MECOM: variants seen among roughly 807,000 people sequenced by gnomAD.
The protein encoded by MECOM is histone-lysine N-methyltransferase MECOM.
In MECOM, 13 loss-of-function variants were observed where a neutral mutation model predicts 116.3. The ratio of observed to expected loss-of-function variants is 0.11; its 90% CI spans 0.07 to 0.18. MECOM has a LOEUF of 0.18. Ranked by LOEUF, MECOM falls within the 10% of genes least tolerant of loss-of-function variation. The pLI is 1.00. For missense variants in MECOM, 1,299 were observed against 1,509.0 expected (o/e 0.86, Z 2.31); for synonymous variants, 528 against 535.2 (o/e 0.99, Z 0.19).
chr3:169,518,149 CTTG>C (rs1263707244), intron 1 of MECOM, among the ~76,000 whole-genome samples: 6 of 152,090 alleles, frequency 3.9e-5, no homozygotes, highest in Non-Finnish European at 8.8e-5. Context: ...GTTCCAGCTA[CTTG>C]GGAGGCTGAG....
At chr3:169,298,037 G>A (rs890745795) in intron 2 of MECOM, among the ~76,000 whole-genome samples, 1 of 152,048 alleles carries the variant, frequency 6.6e-6, no homozygotes, top group Non-Finnish European at 1.5e-5. Context: ...CATCATCCAC[G>A]GCAATATTAT....
At chr3:169,500,582 CA>C (rs199525523) in intron 1 of MECOM, among the ~76,000 whole-genome samples, 1 of 151,518 alleles carries the variant, frequency 6.6e-6, no homozygotes, top group Non-Finnish European at 1.5e-5. Context: ...ATAGTTTATA[CA>C]AAAAAACACA....
chr3:169,149,581 T>C (rs373483024), intron 2 of MECOM: 16 of 401,856 alleles, frequency 4.0e-5, no homozygotes, highest in African/African-American at 3.3e-4. Context: ...GCAACACAGC[T>C]CTGCCTTCCG....
chr3:169,583,784 T>TTG (rs1256873818), intron 1 of MECOM, among the ~76,000 whole-genome samples: 2 of 151,852 alleles, frequency 1.3e-5, no homozygotes, highest in African/African-American at 4.8e-5. Flanking sequence ...TTTTTTTTTT[T>TTG]TTAAGAAACG....
At chr3:169,616,948 G>T (rs905828900) in intron 1 of MECOM, among the ~76,000 whole-genome samples, 1 of 152,222 alleles carries the variant, frequency 6.6e-6, no homozygotes, top group African/African-American at 2.4e-5. Flanking sequence ...ATTAAAATGA[G>T]TATAGAATAG....
In MECOM at chr3:169,566,162, T is replaced by C. The variant is rs144633284; in HGVS notation, c.37+97174A>G. 7.0e-4 allele frequency: 163 copies of C among 233,456 alleles called. 1 individual carries two copies. Among genetic ancestry groups the C allele is most frequent in the African/African-American group, 3.8e-3 (162 of 42,406 alleles). The allele number at this position is 233,456 out of a possible 1,614,324, so 14.5% of individuals were successfully genotyped here. On this transcript the variant is annotated intron_variant, in intron 1 of 16. Transcript: ENST00000651503. ...AACAGCATGGAGGAAACCACCCCCA[T>C]GAGCCAACCACCTCCCACCAGGCTC...
chr3:169,097,823 A>T (rs796796814), intron 12 of MECOM, among the ~76,000 whole-genome samples: 31,465 of 122,048 alleles, frequency 0.26, 4,636 homozygotes, highest in Middle Eastern at 0.28. Flanking sequence ...TATATAAAAA[A>T]AAAAAAAAAA....
At chr3:169,413,490 ATTT>A in intron 1 of MECOM, among the ~76,000 whole-genome samples, 1 of 133,844 alleles carries the variant, frequency 7.5e-6, no homozygotes, top group African/African-American at 2.8e-5. Context: ...TTTTTTTTTT[ATTT>A]TTTTTTTTGT....
chr3:169,226,905 T>C (rs1316432331), intron 2 of MECOM, among the ~76,000 whole-genome samples: 1 of 152,212 alleles, frequency 6.6e-6, no homozygotes, highest in African/African-American at 2.4e-5. Context: ...GGAGAATCTC[T>C]GAAATCATTT....
chr3:169,599,384 C>T (rs143336476), intron 1 of MECOM, among the ~76,000 whole-genome samples: 91 of 152,070 alleles, frequency 6.0e-4, no homozygotes, highest in African/African-American at 2.1e-3. Context: ...CGTGGTGGCG[C>T]ATGCCTATAG....
intron 2 of MECOM, among the ~76,000 whole-genome samples, chr3:169,210,394 A>C (rs1164572868): frequency 1.3e-5 from 2 of 152,188 alleles, no homozygotes; most frequent in Admixed American, 1.3e-4. Flanking sequence ...AGCTGTACCA[A>C]GAAACATATT....
chr3:169,488,394 A>C (rs1752666238), intron 1 of MECOM, among the ~76,000 whole-genome samples: 2 of 149,044 alleles, frequency 1.3e-5, no homozygotes, highest in African/African-American at 4.9e-5. Context: ...AAAAAAAAAA[A>C]AATTAGCCAG....
chr3:169,409,287 A>C (rs1737189473), intron 1 of MECOM, among the ~76,000 whole-genome samples: 2 of 152,226 alleles, frequency 1.3e-5, no homozygotes, highest in Admixed American at 1.3e-4. Flanking sequence ...GATAAAATCG[A>C]ATAGAAATTG....
intron 1 of MECOM, among the ~76,000 whole-genome samples, chr3:169,384,857 C>T (rs55953110): frequency 6.6e-6 from 1 of 152,012 alleles, no homozygotes; most frequent in South Asian, 2.1e-4. Flanking sequence ...AACCCTAGCA[C>T]TTTGGGAGGC....
rs533261725 is a variant in MECOM, at chr3:169,441,694, C to CT, written c.38-60171dup. On this transcript the variant is annotated intron_variant, in intron 1 of 16. Transcript: ENST00000651503. The stretch of plus-strand genomic sequence containing the variant: ...ATGGGAATATCAGAAATAAAAGATG[C>CT]TTTTTTTAGCTATGTTACACTTCTT... Among the ~76,000 whole-genome samples, 173 of 147,632 alleles carry CT rather than the reference C, an allele frequency of 1.2e-3. 1 individual carries two copies. Among genetic ancestry groups the CT allele is most frequent in the Non-Finnish European group, 1.6e-3 (109 of 66,262 alleles).
rs751599149 is a variant in MECOM, at chr3:169,381,450, T to G, written c.112A>C (p.Thr38Pro). Residue 38 changes from threonine to proline, a missense_variant, in exon 2 of 17, where the codon ACT (threonine) becomes CCT (proline). Transcript: ENST00000651503. ...GGCTCTTGAATATTGAGGGAGGGAG[T>G]GCTGGCTACTCCATCTGCATCTGGC... ...EMPDADGVAS[T>P]PSLNIQEPCS... The G allele has an allele frequency of 9.3e-6, 15 of 1,613,324 alleles. No individual in the cohort carries two copies. The highest frequency in any genetic ancestry group is 1.7e-5 in the Admixed American group (1 of 59,926).
At chr3:169,183,773 C>T (rs1415601515) in intron 2 of MECOM, among the ~76,000 whole-genome samples, 75 of 33,586 alleles carry the variant, frequency 2.2e-3, no homozygotes, top group Non-Finnish European at 3.5e-3. Flanking sequence ...CACACACACA[C>T]ACACACACAC....
chr3:169,467,030 T>C (rs936342494), intron 1 of MECOM: 11 of 152,194 alleles, frequency 7.2e-5, no homozygotes, highest in African/African-American at 2.7e-4. Context: ...GGCTGTAAAT[T>C]CAGAACAGGT....
chr3:169,275,641 T>C (rs1371945231), intron 2 of MECOM, among the ~76,000 whole-genome samples: 2 of 152,192 alleles, frequency 1.3e-5, no homozygotes, highest in Non-Finnish European at 2.9e-5. Context: ...AATTTGATCA[T>C]GTGTGTGCCT....
Sources: allele counts gnomAD v4.1 joint callset (sites outside exome capture counted in the v4.1 genomes callset), GRCh38; gene constraint gnomAD v4.1.1; transcripts MANE v1.5; gene names NCBI Gene and HGNC (gene_info 2026-07-23, HGNC 2026-07-21).